Variants in LARS1 observed in about 807,000 individuals in gnomAD.
The protein encoded by LARS1 is leucyl-tRNA synthetase 1, also known as leucine--tRNA ligase, cytoplasmic.
LARS1 carries 100 observed loss-of-function variants against 162.8 expected under a neutral mutation model. That is an observed-to-expected ratio of 0.61 (90% CI 0.52 to 0.73). The LOEUF (loss-of-function observed/expected upper bound fraction) is 0.73, where lower values mean the gene tolerates loss of function less well. Ranked by LOEUF, LARS1 falls within the 30% of genes least tolerant of loss-of-function variation. The pLI, the probability that LARS1 is intolerant of heterozygous loss-of-function variation, is 0.00. For missense variants in LARS1, 1,258 were observed against 1,408.9 expected, an observed-to-expected ratio of 0.89 and a Z score of 1.71; for synonymous variants, 457 against 462.8, an observed-to-expected ratio of 0.99 and a Z score of 0.16.
intron 15 of LARS1, among the ~76,000 whole-genome samples, chr5:146,145,351 G>A (rs1269973564): frequency 6.6e-6 from 1 of 151,808 alleles, no homozygotes; most frequent in Non-Finnish European, 1.5e-5. Context: ...AAAGTGTTTG[G>A]ATTACAGCCT....
At chr5:146,173,581 A>G (rs1754373447) in intron 2 of LARS1, among the ~76,000 whole-genome samples, 1 of 151,280 alleles carries the variant, frequency 6.6e-6, no homozygotes, top group Non-Finnish European at 1.5e-5. Flanking sequence ...TTGTAAAGAC[A>G]GGGTTCTCAA....
chr5:146,159,281 T>A, intron 8 of LARS1, 126 bp downstream of exon 8: 2 of 636,654 alleles, frequency 3.1e-6, no homozygotes, highest in Non-Finnish European at 5.5e-6. Context: ...CCTCTTCATA[T>A]CCACCAGAGT....
chr5:146,124,358 A>G (rs1326323987), intron 28 of LARS1, among the ~76,000 whole-genome samples: 4 of 151,906 alleles, frequency 2.6e-5, no homozygotes, highest in African/African-American at 9.7e-5. Flanking sequence ...TAAAATAAAT[A>G]CGGTTTTATG....
Position 146,113,842 on chromosome 5 carries a change from T to C in LARS1, c.*264A>G. On this transcript the variant is annotated 3_prime_UTR_variant, in exon 32 of 32. Transcript: ENST00000394434. ...ATGTTCATCTTAAAAACCAGAAACT[T>C]CTAGGAAATAGCAACAATTTGTTTT... The C allele has an allele frequency of 2.4e-6, 1 of 420,604 alleles. No homozygotes were observed. The highest frequency in any genetic ancestry group is 4.3e-6 in the Non-Finnish European group (1 of 232,692). The allele number at this position is 420,604 out of a possible 1,614,324, so 26.1% of individuals were successfully genotyped here.
intron 22 of LARS1, among the ~76,000 whole-genome samples, chr5:146,133,400 A>C (rs1336027423): frequency 6.6e-6 from 1 of 152,210 alleles, no homozygotes; most frequent in African/African-American, 2.4e-5. Flanking sequence ...GGGGATAAAG[A>C]CACACCTTTC....
chr5:146,144,191 G>C (rs747908440), intron 18 of LARS1, 76 bp downstream of exon 18: 4 of 1,078,596 alleles, frequency 3.7e-6, no homozygotes, highest in Non-Finnish European at 5.5e-6. Context: ...TTGAGGGCAG[G>C]GGGGAAAGGT....
chr5:146,181,371 AAAC>A (rs1317534485), intron 1 of LARS1, among the ~76,000 whole-genome samples: 6 of 65,408 alleles, frequency 9.2e-5, no homozygotes, highest in East Asian at 5.3e-4. Flanking sequence ...ACAAACAAAC[AAAC>A]AAAAAACAAA....
intron 6 of LARS1, among the ~76,000 whole-genome samples, chr5:146,161,813 A>C (rs534411452): frequency 6.6e-6 from 1 of 152,112 alleles, no homozygotes; most frequent in South Asian, 2.1e-4. Context: ...TTTATCAACT[A>C]AAGTTTATGT....
At chr5:146,125,170 A>C (rs1751993209) in intron 28 of LARS1, among the ~76,000 whole-genome samples, 1 of 152,074 alleles carries the variant, frequency 6.6e-6, no homozygotes, top group Non-Finnish European at 1.5e-5. Flanking sequence ...GAGATTTGGC[A>C]TTATGACCAA....
chr5:146,150,003 C>T (rs1284356368), intron 14 of LARS1, among the ~76,000 whole-genome samples: 1 of 152,148 alleles, frequency 6.6e-6, no homozygotes, highest in African/African-American at 2.4e-5. Flanking sequence ...AGACAGACTT[C>T]AATTACACTC....
chr5:146,160,347 T>C, intron 7 of LARS1, 27 bp downstream of exon 7: 1 of 1,335,984 alleles, frequency 7.5e-7, no homozygotes, highest in Admixed American at 2.4e-5. Flanking sequence ...ATTTTTGCTT[T>C]ATTATGCTCA....
intron 1 of LARS1, among the ~76,000 whole-genome samples, chr5:146,180,148 T>C (rs1754768195): frequency 6.6e-6 from 1 of 152,210 alleles, no homozygotes; most frequent in Non-Finnish European, 1.5e-5. Flanking sequence ...AGAGGATCAC[T>C]TGAACCCAGG....
intron 22 of LARS1, among the ~76,000 whole-genome samples, chr5:146,135,192 T>C (rs1045910244): frequency 7.9e-5 from 12 of 151,182 alleles, no homozygotes; most frequent in Admixed American, 6.6e-5. Context: ...TTTTTTTGTA[T>C]TTTTAGTTGA....
chr5:146,116,681 T>C lies in LARS1; in HGVS notation c.3326-2370A>G, dbSNP rs1051196773. 3.9e-5 allele frequency among the ~76,000 whole-genome samples: 6 copies of C among 152,192 alleles called. No individual in the cohort carries two copies. In the East Asian group the frequency reaches 7.7e-4, roughly 20 times the overall value. ...GTCCCTAGGGACTGATAACGAGAAATGAAGGCTTTCACTTCCAAGTTGTTA... is the reference window on the plus strand; with the variant it reads ...GTCCCTAGGGACTGATAACGAGAAACGAAGGCTTTCACTTCCAAGTTGTTA... On this transcript the variant is annotated intron_variant, in intron 31 of 31. Coordinates refer to ENST00000394434, the MANE Select transcript of LARS1 (RefSeq NM_020117.11).
chr5:146,124,626 T>C (rs1038827459), intron 28 of LARS1, among the ~76,000 whole-genome samples: 6 of 151,776 alleles, frequency 4.0e-5, no homozygotes, highest in Admixed American at 2.0e-4. Context: ...ATGTAAAAAA[T>C]AATTTCTTAT....
chr5:146,115,977 GA>G (rs1764186502), intron 31 of LARS1, among the ~76,000 whole-genome samples: 1 of 152,168 alleles, frequency 6.6e-6, no homozygotes, highest in African/African-American at 2.4e-5. Context: ...TGCCAACCAA[GA>G]ATACAAGTTA....
At chr5:146,120,246 G>C in intron 31 of LARS1, 125 bp downstream of exon 31, 1 of 1,024,276 alleles carries the variant, frequency 9.8e-7, no homozygotes, top group Non-Finnish European at 1.5e-6. Context: ...TCTGATCCCA[G>C]TACTTTTTCC....
At chr5:146,159,496 A>T in intron 7 of LARS1, 26 bp from the exon 8 acceptor site, 2 of 1,538,652 alleles carry the variant, frequency 1.3e-6, no homozygotes, top group South Asian at 2.2e-5. Flanking sequence ...AAAGTGACAA[A>T]CATTATTATA....
intron 16 of LARS1, 41 bp downstream of exon 16, chr5:146,144,583 G>C (rs760965300): frequency 1.2e-6 from 2 of 1,611,536 alleles, no homozygotes; most frequent in Admixed American, 1.7e-5. Flanking sequence ...TCAAAGGTGA[G>C]CAAATTGACT....
Sources: allele counts gnomAD v4.1 joint callset (sites outside exome capture counted in the v4.1 genomes callset), GRCh38; gene constraint gnomAD v4.1.1; transcripts MANE v1.5; gene names NCBI Gene and HGNC (gene_info 2026-07-23, HGNC 2026-07-21).